The following DPH6 variants were observed in gnomAD, a reference collection of about 807,000 sequenced individuals.
DPH6 encodes the protein diphthine--ammonia ligase.
A neutral mutation model predicts 38.2 loss-of-function variants in DPH6; 33 were observed. The ratio of observed to expected loss-of-function variants is 0.86; its 90% CI spans 0.65 to 1.15. The LOEUF is 1.15. Ranked by LOEUF, DPH6 falls within the 50% of genes most tolerant of loss-of-function variation. DPH6 has a pLI of 0.00. For missense variants in DPH6, 325 were observed against 320.0 expected, an observed-to-expected ratio of 1.02 and a Z score of -0.12; for synonymous variants, 108 against 103.0, an observed-to-expected ratio of 1.05 and a Z score of -0.30.
At chr15:35,517,242 G>A (rs558446947) in intron 3 of DPH6, among the ~76,000 whole-genome samples, 1 of 152,068 alleles carries the variant, frequency 6.6e-6, no homozygotes, top group East Asian at 1.9e-4. Context: ...AGAATAAACA[G>A]GATGCTTCCT....
intron 3 of DPH6, among the ~76,000 whole-genome samples, chr15:35,239,843 C>T (rs1489267296): frequency 7.0e-6 from 1 of 142,226 alleles, no homozygotes; most frequent in Non-Finnish European, 1.5e-5. Flanking sequence ...ATCTCTGTGC[C>T]CCAATCCCTT....
chr15:35,515,790 C>T (rs990644635), intron 3 of DPH6, among the ~76,000 whole-genome samples: 2 of 149,286 alleles, frequency 1.3e-5, no homozygotes, highest in African/African-American at 4.9e-5. Flanking sequence ...TCCAGCTACT[C>T]AAGAAGCTGA....
At chr15:35,389,913 T>G (rs1008585394) in intron 6 of DPH6, among the ~76,000 whole-genome samples, 11 of 152,076 alleles carry the variant, frequency 7.2e-5, no homozygotes, top group Non-Finnish European at 1.5e-4. Context: ...TTGCTCATTA[T>G]TTGATGCAGT....
intron 3 of DPH6, among the ~76,000 whole-genome samples, chr15:35,285,268 T>C (rs1343026232): frequency 3.3e-5 from 5 of 152,154 alleles, no homozygotes; most frequent in Non-Finnish European, 7.3e-5. Context: ...TTTGATATGG[T>C]TTGGCTGTGT....
chr15:35,342,788 T>C (rs191677884), intron 3 of DPH6, among the ~76,000 whole-genome samples: 21 of 152,316 alleles, frequency 1.4e-4, no homozygotes, highest in Admixed American at 1.3e-3. Context: ...AATTAATTCA[T>C]CTTCATCAGG....
intron 5 of DPH6, among the ~76,000 whole-genome samples, chr15:35,437,159 C>G (rs967874321): frequency 6.6e-6 from 1 of 152,214 alleles, no homozygotes; most frequent in African/African-American, 2.4e-5. Flanking sequence ...CTCACTTTCT[C>G]TCCCTCACAT....
At chr15:35,189,817 T>C in the DPH6 span, among the ~76,000 whole-genome samples, 1 of 152,202 alleles carries the variant, frequency 6.6e-6, no homozygotes, top group South Asian at 2.1e-4. Flanking sequence ...AATATCCTTT[T>C]TACCGGGGGC....
intron 3 of DPH6, among the ~76,000 whole-genome samples, chr15:35,272,221 G>A (rs541038910): frequency 6.6e-4 from 100 of 152,258 alleles, no homozygotes; most frequent in Non-Finnish European, 1.2e-3. Context: ...TTAATCTAGA[G>A]ATGATTTAAA....
chr15:35,435,591 G>A (rs934375889), intron 5 of DPH6, among the ~76,000 whole-genome samples: 10 of 152,140 alleles, frequency 6.6e-5, no homozygotes, highest in African/African-American at 2.2e-4. Flanking sequence ...TGATGTGGGT[G>A]CATGTTGGCA....
chr15:35,467,307 G>A (rs867398449), intron 3 of DPH6, among the ~76,000 whole-genome samples: 15 of 152,066 alleles, frequency 9.9e-5, no homozygotes, highest in East Asian at 1.9e-4. Context: ...GCTCATGCCC[G>A]TAATCCCAGC....
intron 3 of DPH6, among the ~76,000 whole-genome samples, chr15:35,339,545 G>A (rs1052226779): frequency 6.6e-5 from 10 of 151,968 alleles, no homozygotes; most frequent in South Asian, 2.1e-4. Flanking sequence ...GGCTCGTCTC[G>A]AACTCCTAAC....
intron 5 of DPH6, among the ~76,000 whole-genome samples, chr15:35,438,426 C>T (rs141332853): frequency 9.2e-4 from 140 of 152,280 alleles, no homozygotes; most frequent in Admixed American, 1.7e-3. Context: ...GAGAAGCCTC[C>T]GTTTTCCTCG....
intron 3 of DPH6, among the ~76,000 whole-genome samples, chr15:35,283,757 TACACACACACACACACACACACAC>T: frequency 7.1e-6 from 1 of 140,582 alleles, no homozygotes; most frequent in East Asian, 2.1e-4. Flanking sequence ...GCACAGATAG[TACACACACACACACACACACACAC>T]ACACACACAC....
chr15:35,473,957 T>TGCGCGC (rs1191722971), intron 3 of DPH6, among the ~76,000 whole-genome samples: 6 of 38,544 alleles, frequency 1.6e-4, no homozygotes, highest in East Asian at 1.1e-3. Flanking sequence ...TGTGTGTGTG[T>TGCGCGC]GCGCGCGCGC....
In DPH6 at chr15:35,228,206, G is replaced by A. The variant is rs957290317; in HGVS notation, n.201-7624C>T. On this transcript the variant is annotated intron_variant and non_coding_transcript_variant, in intron 3 of 3. Transcript: ENST00000560386. ...AACAAAAAGAAATAATAAAGACCCT[G>A]CACCTTAAAAGTTAAAAAGTGTCCC... is the stretch of plus-strand genomic sequence containing the variant. Among the ~76,000 whole-genome samples, 9 of 152,154 alleles carry A rather than the reference G, an allele frequency of 5.9e-5. No homozygotes were observed. In the East Asian group the frequency reaches 1.5e-3, roughly 26 times the overall value.
Position 35,450,391 on chromosome 15 carries a change from TA to T in DPH6, c.505+293del, listed in dbSNP as rs1055111797. Among the ~76,000 whole-genome samples the T allele has an allele frequency of 1.3e-3, 152 of 114,362 alleles. No individual in the cohort carries two copies. In the Middle Eastern group the frequency reaches 0.02, roughly 15 times the overall value. The allele number at this position is 114,362 out of a possible 152,430, so 75.0% of individuals were successfully genotyped here. ...TCCTACAAGCCTAAATTCCAAACCC[TA>T]AAAAAAAAAGAACTTAAAATGAAGG... On this transcript the variant is annotated intron_variant, in intron 5 of 8. Coordinates refer to ENST00000256538, the MANE Select transcript of DPH6 (RefSeq NM_080650.4).
In DPH6 at chr15:35,381,821, C is replaced by T; in HGVS notation, c.662+1G>A. 6.2e-7 allele frequency: 1 copy of T among 1,604,674 alleles called. No homozygotes were observed. The highest frequency in any genetic ancestry group is 2.2e-5 in the East Asian group (1 of 44,700). On this transcript the variant is annotated splice_donor_variant, in intron 7 of 8. Transcript: ENST00000256538. LOFTEE classifies it high-confidence loss of function. ...AAGAAAATGCTGAAATGATATCTTA[C>T]ACAATTATTTTCTTCTTAAATAGAG...
At chr15:35,151,387 T>G in the DPH6 span, among the ~76,000 whole-genome samples, 1 of 152,214 alleles carries the variant, frequency 6.6e-6, no homozygotes, top group African/African-American at 2.4e-5. Context: ...CATTGATGTC[T>G]CTGGTCCATG....
At chr15:35,250,494 C>A (rs1431168936) in intron 3 of DPH6, among the ~76,000 whole-genome samples, 3 of 152,040 alleles carry the variant, frequency 2.0e-5, no homozygotes, top group African/African-American at 7.2e-5. Context: ...TGTTGCAGGC[C>A]AATACAGCTC....
Sources: allele counts gnomAD v4.1 joint callset (sites outside exome capture counted in the v4.1 genomes callset), GRCh38; gene constraint gnomAD v4.1.1; transcripts MANE v1.5; gene names NCBI Gene and HGNC (gene_info 2026-07-23, HGNC 2026-07-21).